DMD: variants seen among roughly 807,000 people sequenced by gnomAD.
DMD encodes the protein mutant dystrophin.
In DMD, 63 loss-of-function variants were observed where a neutral mutation model predicts 330.1. The observed-to-expected ratio is 0.19, with a 90% CI of 0.16 to 0.24. DMD has a LOEUF of 0.24. Ranked by LOEUF, DMD falls within the 10% of genes least tolerant of loss-of-function variation. DMD has a pLI of 1.00. For missense variants in DMD, 3,344 were observed against 2,684.1 expected, an observed-to-expected ratio of 1.25 and a Z score of -5.43; for synonymous variants, 1,223 against 959.8, an observed-to-expected ratio of 1.27 and a Z score of -5.07.
chrX:32,551,245 CCAG>C (rs1310711053), intron 16 of DMD, among the ~76,000 whole-genome samples: 1 of 111,186 alleles, frequency 9.0e-6, no homozygotes, highest in African/African-American at 3.3e-5. Context: ...CAACAGAATA[CCAG>C]CAAACCCAAT....
chrX:31,793,318 C>T (rs979105724), intron 50 of DMD, among the ~76,000 whole-genome samples: 3 of 110,649 alleles, frequency 2.7e-5, no homozygotes, highest in Non-Finnish European at 3.8e-5. Flanking sequence ...GTGGGGTTTT[C>T]GCTGGGGACC....
intron 52 of DMD, among the ~76,000 whole-genome samples, chrX:31,700,137 G>C (rs1436918209): frequency 1.3e-4 from 14 of 108,282 alleles, no homozygotes; most frequent in African/African-American, 4.4e-4. Flanking sequence ...AGTGAGCCGA[G>C]ATTGCGCCAC....
In DMD at chrX:32,608,582, T is replaced by A. The variant is rs2056921234; in HGVS notation, c.1482+5721A>T. 3.6e-5 allele frequency among the ~76,000 whole-genome samples: 4 copies of A among 110,834 alleles called. No homozygotes were observed. In the South Asian group the frequency reaches 1.1e-3, roughly 31 times the overall value. ...TATTTTTCTACAGCTTTATGAATTT[T>A]TTTTTGCTGTATGCCCAACGTTTTA... On this transcript the variant is annotated intron_variant, in intron 12 of 78. Coordinates refer to ENST00000357033, the MANE Select transcript of DMD (RefSeq NM_004006.3).
chrX:31,519,112 C>G (rs981166239), intron 55 of DMD, among the ~76,000 whole-genome samples: 14 of 112,181 alleles, frequency 1.2e-4, no homozygotes, highest in Non-Finnish European at 1.3e-4. Context: ...ATTGATGTTT[C>G]TGAATGGTTC....
chrX:31,443,432 C>G (rs906267347), intron 60 of DMD, among the ~76,000 whole-genome samples: 1 of 111,647 alleles, frequency 9.0e-6, no homozygotes. Flanking sequence ...ACATCAAGAG[C>G]TAGAATTTGT....
At chrX:32,800,211 C>A (rs934464126) in intron 7 of DMD, among the ~76,000 whole-genome samples, 2 of 111,484 alleles carry the variant, frequency 1.8e-5, no homozygotes, top group African/African-American at 6.5e-5. Flanking sequence ...AGCTACAGAA[C>A]CAATATCTGG....
In DMD at chrX:32,141,678, AACACACACACAC is replaced by A. The variant is rs56858722; in HGVS notation, c.6438+75226_6438+75237del. Among the ~76,000 whole-genome samples the A allele has an allele frequency of 6.8e-3, 603 of 88,104 alleles. 6 individuals carry two copies. The highest frequency in any genetic ancestry group is 0.022 in the African/African-American group (519 of 23,478). The allele number at this position is 88,104 out of a possible 115,157, so 76.5% of individuals were successfully genotyped here. ...CAGAATTCAATATAATATAGAGTGCAACACACACACACACACACACACACACACACACACACA... is the reference window on the plus strand; with the variant it reads ...CAGAATTCAATATAATATAGAGTGCAACACACACACACACACACACACACA... On this transcript the variant is annotated intron_variant, in intron 44 of 78. Transcript: ENST00000357033.
chrX:31,138,289 A>T (rs2035518307), intron 76 of DMD, among the ~76,000 whole-genome samples: 1 of 111,599 alleles, frequency 9.0e-6, no homozygotes, highest in Admixed American at 9.5e-5. Flanking sequence ...CAAACAACAG[A>T]TGCGTGAATG....
In DMD at chrX:32,479,102, C is replaced by T. The variant is rs974723404; in HGVS notation, c.2803+5817G>A. 4.5e-5 allele frequency among the ~76,000 whole-genome samples: 5 copies of T among 111,038 alleles called. 1 individual carries two copies. The highest frequency in any genetic ancestry group is 9.5e-5 in the Non-Finnish European group (5 of 52,885). ...ATTTTCCCTTTTTCTAAAAGCAGCT[C>T]TATCCACTTAGCAATCCTATTTTCA... On this transcript the variant is annotated intron_variant, in intron 21 of 78. Transcript: ENST00000357033.
intron 41 of DMD, among the ~76,000 whole-genome samples, chrX:32,335,599 T>C (rs1357376712): frequency 1.9e-4 from 5 of 26,222 alleles, no homozygotes; most frequent in South Asian, 1.7e-3. Context: ...ATGTTATATA[T>C]AAAACATTAT....
chrX:32,789,586 G>C (rs958718596), intron 7 of DMD, among the ~76,000 whole-genome samples: 1 of 111,808 alleles, frequency 8.9e-6, no homozygotes, highest in Non-Finnish European at 1.9e-5. Context: ...GAAATAACAC[G>C]GACTTTAAGA....
intron 2 of DMD, among the ~76,000 whole-genome samples, chrX:32,902,080 G>A (rs762604033): frequency 1.9e-5 from 2 of 106,913 alleles, no homozygotes; most frequent in East Asian, 2.9e-4. Flanking sequence ...CATATCATAC[G>A]AATGTTAAGA....
At chrX:32,793,242 CAAAT>C (rs1181068828) in intron 7 of DMD, among the ~76,000 whole-genome samples, 1 of 111,129 alleles carries the variant, frequency 9.0e-6, no homozygotes, top group African/African-American at 3.3e-5. Flanking sequence ...ATTATTGAAA[CAAAT>C]GAATATCAAA....
chrX:32,612,603 A>C (rs1381403859), intron 12 of DMD, among the ~76,000 whole-genome samples: 1 of 111,262 alleles, frequency 9.0e-6, no homozygotes, highest in Non-Finnish European at 1.9e-5. Context: ...GTGTAGGCCA[A>C]GGGAAAGAGG....
chrX:32,807,708 T>G (rs2077061458), intron 7 of DMD, among the ~76,000 whole-genome samples: 1 of 111,590 alleles, frequency 9.0e-6, no homozygotes, highest in African/African-American at 3.3e-5. Flanking sequence ...AAATTTTTTG[T>G]GGATATATAC....
At chrX:31,508,381 C>T (rs2071162926) in intron 55 of DMD, 1 of 616,102 alleles carries the variant, frequency 1.6e-6, no homozygotes, top group African/African-American at 2.3e-5. Context: ...CAGGCCTCAC[C>T]AGTCAATAAT....
intron 19 of DMD, among the ~76,000 whole-genome samples, chrX:32,493,124 T>A (rs1358911890): frequency 8.9e-6 from 1 of 111,788 alleles, no homozygotes; most frequent in Non-Finnish European, 1.9e-5. Flanking sequence ...TTATCCTTTT[T>A]AAAGACTAAA....
intron 41 of DMD, among the ~76,000 whole-genome samples, chrX:32,316,660 C>T (rs920676534): frequency 6.3e-5 from 7 of 110,630 alleles, no homozygotes; most frequent in Admixed American, 1.9e-4. Context: ...TAGAAAATTC[C>T]GTGTTATTAA....
rs749283523 is a variant in DMD, at chrX:32,374,339, G to A, written c.4845+6171C>T. On this transcript the variant is annotated intron_variant, in intron 34 of 78. Coordinates refer to ENST00000357033, the MANE Select transcript of DMD (RefSeq NM_004006.3). ...TCATTTGTCAATTTTTGTTTTTGTT[G>A]CATTTGTCATTGAGGTCTTGGTCAT... 8.1e-5 allele frequency among the ~76,000 whole-genome samples: 9 copies of A among 111,300 alleles called. No homozygotes were observed. The South Asian group carries it at 3.4e-3, about 41-fold the overall frequency.
Sources: gnomAD v4.1 joint callset for allele counts (sites outside exome capture counted in the v4.1 genomes callset) on GRCh38, gnomAD v4.1.1 for gene constraint, MANE v1.5 for transcripts, NCBI Gene and HGNC (gene_info 2026-07-23, HGNC 2026-07-21) for gene names.